NR6A1: variants seen among roughly 807,000 people sequenced by gnomAD.
The protein encoded by NR6A1 is retinoic acid receptor-related testis-associated receptor.
NR6A1 carries 7 observed loss-of-function variants against 59.1 expected under a neutral mutation model. That is an observed-to-expected ratio of 0.12 (90% CI 0.07 to 0.22). The LOEUF is 0.22. Ranked by LOEUF, NR6A1 falls within the 10% of genes least tolerant of loss-of-function variation. The pLI, the probability that NR6A1 is intolerant of heterozygous loss-of-function variation, is 1.00. For missense variants in NR6A1, 468 were observed against 611.6 expected (o/e 0.77, Z 2.48); for synonymous variants, 243 against 236.1 (o/e 1.03, Z -0.27).
At chr9:124,621,041 T>C (rs1309747478) in intron 2 of NR6A1, among the ~76,000 whole-genome samples, 1 of 152,076 alleles carries the variant, frequency 6.6e-6, no homozygotes, top group East Asian at 1.9e-4. Flanking sequence ...AGAGCCCAGA[T>C]CGAAACACAA....
intron 2 of NR6A1, among the ~76,000 whole-genome samples, chr9:124,592,505 T>C (rs1448369912): frequency 6.6e-6 from 1 of 152,236 alleles, no homozygotes; most frequent in Admixed American, 6.5e-5. Context: ...ATTTTCTTCC[T>C]GTACATCATT....
intron 2 of NR6A1, among the ~76,000 whole-genome samples, chr9:124,619,290 G>T (rs1047812215): frequency 2.6e-5 from 4 of 152,008 alleles, no homozygotes; most frequent in African/African-American, 4.8e-5. Flanking sequence ...TTGAGACAGG[G>T]TCTCCCTCTG....
chr9:124,646,752 G>A (rs529514073), intron 2 of NR6A1, among the ~76,000 whole-genome samples: 26 of 152,306 alleles, frequency 1.7e-4, no homozygotes, highest in Non-Finnish European at 3.1e-4. Flanking sequence ...CCTGGGTTGT[G>A]GGTTGGACAG....
chr9:124,696,824 T>A (rs1470146232), intron 2 of NR6A1, among the ~76,000 whole-genome samples: 4 of 151,932 alleles, frequency 2.6e-5, no homozygotes, highest in Non-Finnish European at 4.4e-5. Context: ...GCCTGGATAA[T>A]TTTTTGTATT....
At chr9:124,524,000 C>CT (rs1323566612) in intron 9 of NR6A1, among the ~76,000 whole-genome samples, 6 of 152,128 alleles carry the variant, frequency 3.9e-5, no homozygotes, top group African/African-American at 1.4e-4. Context: ...TGAAATAGAC[C>CT]TATTTAAATG....
At chr9:124,546,007 C>T (rs548712069) in intron 3 of NR6A1, among the ~76,000 whole-genome samples, 2 of 152,220 alleles carry the variant, frequency 1.3e-5, no homozygotes, top group African/African-American at 4.8e-5. Flanking sequence ...CCCAGCTACT[C>T]GGGAGGCTGA....
At chr9:124,743,130 T>C (rs1045964149) in intron 1 of NR6A1, among the ~76,000 whole-genome samples, 1 of 152,220 alleles carries the variant, frequency 6.6e-6, no homozygotes, top group Non-Finnish European at 1.5e-5. Flanking sequence ...CAGCCATATC[T>C]GCAGCCTGCA....
intron 6 of NR6A1, among the ~76,000 whole-genome samples, chr9:124,536,398 G>A (rs1833268172): frequency 6.6e-6 from 1 of 152,114 alleles, no homozygotes; most frequent in Admixed American, 6.5e-5. Context: ...CAATTGGCTG[G>A]GTGCAATGGC....
intron 2 of NR6A1, among the ~76,000 whole-genome samples, chr9:124,727,613 A>T (rs1839757749): frequency 6.6e-6 from 1 of 152,228 alleles, no homozygotes; most frequent in Admixed American, 6.5e-5. Context: ...TCAGCAGGCC[A>T]GCAAGCAATT....
intron 2 of NR6A1, among the ~76,000 whole-genome samples, chr9:124,635,191 T>G (rs1836569483): frequency 6.6e-6 from 1 of 152,176 alleles, no homozygotes; most frequent in African/African-American, 2.4e-5. Context: ...CATTAACCCT[T>G]GGAAACCACC....
At chr9:124,566,321 C>T (rs1834239004) in intron 2 of NR6A1, among the ~76,000 whole-genome samples, 1 of 151,982 alleles carries the variant, frequency 6.6e-6, no homozygotes, top group African/African-American at 2.4e-5. Flanking sequence ...TTGACGTGGG[C>T]GGTTGCTTTA....
intron 2 of NR6A1, among the ~76,000 whole-genome samples, chr9:124,605,370 T>C (rs573528321): frequency 6.6e-6 from 1 of 152,228 alleles, no homozygotes; most frequent in South Asian, 2.1e-4. Flanking sequence ...TTGCCAGGTG[T>C]GGTGATGCAT....
At chr9:124,767,691 T>C (rs541831487) in intron 1 of NR6A1, among the ~76,000 whole-genome samples, 1 of 152,276 alleles carries the variant, frequency 6.6e-6, no homozygotes, top group East Asian at 1.9e-4. Flanking sequence ...TGGGAAATAT[T>C]TGCCAATTTA....
intron 2 of NR6A1, among the ~76,000 whole-genome samples, chr9:124,595,416 G>A (rs1380154172): frequency 6.6e-6 from 1 of 152,148 alleles, no homozygotes; most frequent in African/African-American, 2.4e-5. Context: ...CATCTGTCAA[G>A]AAATAAACAA....
intron 2 of NR6A1, among the ~76,000 whole-genome samples, chr9:124,723,311 T>C (rs959116501): frequency 6.6e-6 from 1 of 152,206 alleles, no homozygotes; most frequent in Non-Finnish European, 1.5e-5. Flanking sequence ...AAGGTTAACA[T>C]GTTCAGTCTC....
chr9:124,646,434 G>A (rs1390360166), intron 2 of NR6A1, among the ~76,000 whole-genome samples: 2 of 152,024 alleles, frequency 1.3e-5, no homozygotes, highest in East Asian at 1.9e-4. Flanking sequence ...TCTGTCAATC[G>A]TACCTCAATA....
intron 2 of NR6A1, among the ~76,000 whole-genome samples, chr9:124,589,213 G>A (rs1031319293): frequency 2.6e-5 from 4 of 152,140 alleles, no homozygotes; most frequent in Admixed American, 6.5e-5. Context: ...TTGGGTGGCT[G>A]AGGCGGGTGG....
intron 2 of NR6A1, among the ~76,000 whole-genome samples, chr9:124,660,956 T>C (rs1410970755): frequency 1.3e-5 from 2 of 152,162 alleles, no homozygotes; most frequent in Non-Finnish European, 2.9e-5. Flanking sequence ...AGTATCTTTT[T>C]AAAATTCCAA....
chr9:124,629,852 C>T (rs1438971342), intron 2 of NR6A1, among the ~76,000 whole-genome samples: 1 of 152,132 alleles, frequency 6.6e-6, no homozygotes, highest in Non-Finnish European at 1.5e-5. Flanking sequence ...GTCACCAGCA[C>T]AAGGGAGGAA....
Sources: gnomAD v4.1 joint callset for allele counts (sites outside exome capture counted in the v4.1 genomes callset) on GRCh38, gnomAD v4.1.1 for gene constraint, MANE v1.5 for transcripts, NCBI Gene and HGNC (gene_info 2026-07-23, HGNC 2026-07-21) for gene names.